RBFOX3: variants seen among roughly 807,000 people sequenced by gnomAD.
The protein encoded by RBFOX3 is RNA binding fox-1 homolog 3.
RBFOX3 carries 17 observed loss-of-function variants against 48.7 expected under a neutral mutation model. The observed-to-expected ratio is 0.35, with a 90% CI of 0.24 to 0.52. The LOEUF (loss-of-function observed/expected upper bound fraction) is 0.52, where lower values mean the gene tolerates loss of function less well. RBFOX3 is among the 20% of genes least tolerant of loss of function. The pLI, the probability that RBFOX3 is intolerant of heterozygous loss-of-function variation, is 0.94. For missense variants in RBFOX3, 382 were observed against 497.5 expected, an observed-to-expected ratio of 0.77 and a Z score of 2.21; for synonymous variants, 212 against 209.5, an observed-to-expected ratio of 1.01 and a Z score of -0.10.
chr17:79,126,888 T>G (rs11653756), intron 4 of RBFOX3, among the ~76,000 whole-genome samples: 35,173 of 152,094 alleles, frequency 0.23, 4,840 homozygotes, highest in East Asian at 0.71. Context: ...AAATCTGCCT[T>G]CTGGAAACTT....
intron 4 of RBFOX3, among the ~76,000 whole-genome samples, chr17:79,119,090 T>C (rs1483330295): frequency 6.6e-6 from 1 of 152,132 alleles, no homozygotes; most frequent in African/African-American, 2.4e-5. Flanking sequence ...ATCCCTGTCA[T>C]TCAACTTGGG....
At chr17:79,336,341 C>T (rs918920402) in intron 2 of RBFOX3, among the ~76,000 whole-genome samples, 18 of 151,508 alleles carry the variant, frequency 1.2e-4, no homozygotes, top group Non-Finnish European at 2.2e-4. Flanking sequence ...GAGCCAAGAT[C>T]GCACCACTGC....
rs748525167 is a variant in RBFOX3 at position 79,220,473 on chromosome 17, C to T, written c.-34+15293G>A. ...CTCAGCTCCGTGCCTGCTCTCCGCT[C>T]GCCCATCGATGGGGTCCTGCCCGGC... On this transcript the variant is annotated intron_variant, in intron 4 of 14. Coordinates refer to ENST00000693108, the MANE Select transcript of RBFOX3 (RefSeq NM_001350451.2). The surrounding 1 kb of genome is among the most constrained non-coding windows in gnomAD (Gnocchi z 5.9). Among the ~76,000 whole-genome samples, 6 of 152,132 alleles carry T rather than the reference C, an allele frequency of 3.9e-5. No homozygotes were observed. Among genetic ancestry groups the T allele is most frequent in the South Asian group, 2.1e-4 (1 of 4,822 alleles).
At chr17:79,556,563 G>T (rs2091776397) in intron 1 of RBFOX3, among the ~76,000 whole-genome samples, 1 of 152,136 alleles carries the variant, frequency 6.6e-6, no homozygotes, top group African/African-American at 2.4e-5. Flanking sequence ...ATCCAGAGTG[G>T]GTGGGGAGAG....
chr17:79,113,051 C>T (rs994537205), intron 5 of RBFOX3, among the ~76,000 whole-genome samples: 4 of 152,072 alleles, frequency 2.6e-5, no homozygotes, highest in Non-Finnish European at 4.4e-5. Flanking sequence ...GCTCTGAACT[C>T]ATCCCACTTC....
intron 2 of RBFOX3, among the ~76,000 whole-genome samples, chr17:79,428,965 G>A (rs1412233293): frequency 1.3e-5 from 2 of 152,080 alleles, no homozygotes; most frequent in East Asian, 1.9e-4. Flanking sequence ...TCTTTACTCC[G>A]GGTCCCCCTT....
intron 3 of RBFOX3, among the ~76,000 whole-genome samples, chr17:79,288,322 C>A (rs557697161): frequency 1.3e-5 from 2 of 152,294 alleles, no homozygotes; most frequent in South Asian, 4.1e-4. Flanking sequence ...GACGGACGGG[C>A]ACACAAATAC....
At chr17:79,572,421 C>T (rs1348574545) in intron 1 of RBFOX3, among the ~76,000 whole-genome samples, 8 of 152,154 alleles carry the variant, frequency 5.3e-5, no homozygotes, top group Admixed American at 5.2e-4. Flanking sequence ...CAGGTGCCCA[C>T]CCACCATGCA....
intron 3 of RBFOX3, among the ~76,000 whole-genome samples, chr17:79,241,363 G>C (rs2062348817): frequency 6.6e-6 from 1 of 152,002 alleles, no homozygotes; most frequent in African/African-American, 2.4e-5. Flanking sequence ...CTGCACTTCT[G>C]GGGAGGTGAT....
At chr17:79,172,023 A>C (rs1008433710) in intron 4 of RBFOX3, among the ~76,000 whole-genome samples, 2 of 151,744 alleles carry the variant, frequency 1.3e-5, no homozygotes, top group African/African-American at 4.8e-5. Context: ...AAAATATAAA[A>C]ATTAGCCAGG....
At chr17:79,326,027 G>C (rs897597) in intron 2 of RBFOX3, among the ~76,000 whole-genome samples, 16,942 of 152,218 alleles carry the variant, frequency 0.11, 2,088 homozygotes, top group East Asian at 0.32. Context: ...GCCCTCTTCA[G>C]AGATATTCTA....
chr17:79,322,078 T>C (rs1049637987), intron 2 of RBFOX3, among the ~76,000 whole-genome samples: 2 of 151,914 alleles, frequency 1.3e-5, no homozygotes, highest in Non-Finnish European at 2.9e-5. Context: ...ACACCAACAA[T>C]TATGAAATAA....
the RBFOX3 span, among the ~76,000 whole-genome samples, chr17:79,624,807 A>ACCCCCGCCCCCCGC: frequency 7.8e-6 from 1 of 128,582 alleles, no homozygotes; most frequent in Non-Finnish European, 1.6e-5. Flanking sequence ...CTTAGAAGGC[A>ACCCCCGCCCCCCGC]CCCCCGCCCC....
At chr17:79,348,293 A>AGGCAT (rs1413622046) in intron 2 of RBFOX3, among the ~76,000 whole-genome samples, 2 of 152,218 alleles carry the variant, frequency 1.3e-5, no homozygotes, top group African/African-American at 4.8e-5. Flanking sequence ...AGGTATAGAC[A>AGGCAT]GGCATGGTTT....
At chr17:79,494,845 C>A (rs1035241602) in intron 1 of RBFOX3, among the ~76,000 whole-genome samples, 5 of 152,184 alleles carry the variant, frequency 3.3e-5, no homozygotes, top group Non-Finnish European at 7.3e-5. Context: ...GGTCCAGGGC[C>A]ACAGCCTGAG....
At chr17:79,606,244 C>T (rs1251872231) in intron 1 of RBFOX3, among the ~76,000 whole-genome samples, 2 of 152,236 alleles carry the variant, frequency 1.3e-5, no homozygotes, top group Admixed American at 6.5e-5. Flanking sequence ...GGCCTGATGA[C>T]ACCAAGCTCC....
intron 3 of RBFOX3, among the ~76,000 whole-genome samples, chr17:79,306,868 G>A (rs914245591): frequency 2.7e-5 from 4 of 147,022 alleles, no homozygotes; most frequent in Non-Finnish European, 6.1e-5. Context: ...GCCTCTGTCA[G>A]GAGGAAGATG....
chr17:79,294,988 C>A (rs1307103312), intron 3 of RBFOX3, among the ~76,000 whole-genome samples: 1 of 152,164 alleles, frequency 6.6e-6, no homozygotes, highest in Non-Finnish European at 1.5e-5. Flanking sequence ...AAGAGAACAG[C>A]GGCCAGTTCA....
chr17:79,239,028 G>C (rs2061991053), intron 3 of RBFOX3, among the ~76,000 whole-genome samples: 1 of 152,142 alleles, frequency 6.6e-6, no homozygotes, highest in Non-Finnish European at 1.5e-5. Context: ...CCTCCCCGGA[G>C]GCTCTTGTGC....
Sources: allele counts gnomAD v4.1 joint callset (sites outside exome capture counted in the v4.1 genomes callset), GRCh38; gene constraint gnomAD v4.1.1; non-coding constraint Gnocchi (gnomAD v3.1); transcripts MANE v1.5; gene names NCBI Gene and HGNC (gene_info 2026-07-23, HGNC 2026-07-21).